TANK: variants seen among roughly 807,000 people sequenced by gnomAD.
The protein encoded by TANK is TRAF family member associated NFKB activator, also known as TRAF family member-associated NF-kappa-B activator.
Under a neutral mutation model 43.6 loss-of-function variants are expected in TANK, and 15 were observed. The observed-to-expected ratio is 0.34, with a 90% CI of 0.23 to 0.53. The LOEUF (loss-of-function observed/expected upper bound fraction) is 0.53, where lower values mean the gene tolerates loss of function less well. Ranked by LOEUF, TANK falls within the 20% of genes least tolerant of loss-of-function variation. The pLI is 0.94. For missense variants in TANK, 417 were observed against 498.6 expected, an observed-to-expected ratio of 0.84 and a Z score of 1.56; for synonymous variants, 162 against 178.2, an observed-to-expected ratio of 0.91 and a Z score of 0.73.
At chr2:161,223,855 A>T in intron 4 of TANK, 60 bp from the exon 5 acceptor site, 1 of 1,138,352 alleles carries the variant, frequency 8.8e-7, no homozygotes, top group Non-Finnish European at 1.3e-6. Flanking sequence ...TCTTTACTCG[A>T]CCTCATTTGA....
At chr2:161,190,601 C>T (rs1476975784) in intron 2 of TANK, among the ~76,000 whole-genome samples, 1 of 152,108 alleles carries the variant, frequency 6.6e-6, no homozygotes, top group African/African-American at 2.4e-5. Context: ...GGTATATACA[C>T]ACAACATAGT....
intron 1 of TANK, among the ~76,000 whole-genome samples, chr2:161,149,377 C>T (rs953621753): frequency 2.6e-5 from 4 of 152,104 alleles, no homozygotes; most frequent in Non-Finnish European, 5.9e-5. Context: ...GCTCTAGTAG[C>T]TTTCTTGTGA....
chr2:161,229,370 G>A (rs1687793923), intron 6 of TANK, among the ~76,000 whole-genome samples: 1 of 152,178 alleles, frequency 6.6e-6, no homozygotes, highest in Non-Finnish European at 1.5e-5. Context: ...GATTTTATTA[G>A]GAAGGTAACT....
At chr2:161,226,159 C>T (rs574658516) in intron 6 of TANK, among the ~76,000 whole-genome samples, 6 of 152,234 alleles carry the variant, frequency 3.9e-5, no homozygotes, top group African/African-American at 1.4e-4. Flanking sequence ...CTTTGTTACA[C>T]AGAAAACTTA....
intron 2 of TANK, chr2:161,197,297 T>A (rs1686198361): frequency 6.6e-6 from 1 of 152,246 alleles, no homozygotes; most frequent in African/African-American, 2.4e-5. Context: ...CTTCGAACAA[T>A]CAGGTGTTGG....
intron 4 of TANK, among the ~76,000 whole-genome samples, chr2:161,221,608 TA>T (rs1167379453): frequency 2.6e-5 from 4 of 152,022 alleles, no homozygotes; most frequent in African/African-American, 9.7e-5. Context: ...ATTAACATGT[TA>T]TGCCCCATTC....
chr2:161,138,005 A>G (rs759550044), intron 1 of TANK: 52 of 642,930 alleles, frequency 8.1e-5, no homozygotes, highest in Non-Finnish European at 9.8e-5. Context: ...CAAGTTTAGT[A>G]TTTTTCTCAT....
At chr2:161,142,740 T>G (rs1317936072) in intron 1 of TANK, among the ~76,000 whole-genome samples, 2 of 152,206 alleles carry the variant, frequency 1.3e-5, no homozygotes, top group Non-Finnish European at 2.9e-5. Context: ...TAGTATATTT[T>G]GAAGTCAGGT....
At chr2:161,199,073 G>A (rs1244581926) in intron 2 of TANK, among the ~76,000 whole-genome samples, 1 of 152,130 alleles carries the variant, frequency 6.6e-6, no homozygotes, top group Non-Finnish European at 1.5e-5. Flanking sequence ...TGTCTAATTA[G>A]TTTCTATCTA....
intron 2 of TANK, among the ~76,000 whole-genome samples, chr2:161,196,620 C>T (rs918852698): frequency 7.2e-5 from 11 of 152,180 alleles, no homozygotes; most frequent in South Asian, 2.1e-4. Flanking sequence ...TATGGCAGGC[C>T]GAGGCAGGCG....
intron 2 of TANK, among the ~76,000 whole-genome samples, chr2:161,196,145 A>G (rs1374536763): frequency 1.3e-5 from 2 of 152,198 alleles, no homozygotes; most frequent in Admixed American, 1.3e-4. Context: ...TGTACAACAA[A>G]TAGATGTCAA....
At chr2:161,174,579 T>C (rs1685096409) in intron 1 of TANK, among the ~76,000 whole-genome samples, 1 of 152,178 alleles carries the variant, frequency 6.6e-6, no homozygotes, top group South Asian at 2.1e-4. Flanking sequence ...AGCAAAAGTT[T>C]TTATGTTGTG....
At chr2:161,232,767 C>T in intron 7 of TANK, 1 of 1,550,412 alleles carries the variant, frequency 6.4e-7, no homozygotes, top group Non-Finnish European at 8.7e-7. Context: ...TGGCACCCTG[C>T]ATTGTACATT....
intron 1 of TANK, chr2:161,161,536 C>A: frequency 6.9e-7 from 1 of 1,451,986 alleles, no homozygotes; most frequent in Non-Finnish European, 9.1e-7. Flanking sequence ...AGTCCTCTCC[C>A]CAGTTGTAAT....
At position 161,179,636 on chromosome 2, in the gene TANK, T is replaced by C; in HGVS notation, c.-27T>C. The C allele has an allele frequency of 1.2e-6, 2 of 1,612,086 alleles. No individual in the cohort carries two copies. Among genetic ancestry groups the C allele is most frequent in the South Asian group, 1.1e-5 (1 of 90,848 alleles). ...CAGACCTGTCATTTACTCCATCCTT[T>C]ATAGTGATGCTACAGGACGAAGAGG... On this transcript the variant is annotated 5_prime_UTR_variant, in exon 2 of 8. Coordinates refer to ENST00000392749, the MANE Select transcript of TANK (RefSeq NM_001199135.3).
At chr2:161,155,990 G>A (rs1045553158), upstream of TANK, 1 of 930,904 alleles carries the variant, frequency 1.1e-6, no homozygotes, top group African/African-American at 1.8e-5. Context: ...ATTTAATATT[G>A]AAATTTTTAA....
At chr2:161,175,327 CTAGTTCA>C (rs1179316352) in intron 1 of TANK, among the ~76,000 whole-genome samples, 30 of 152,242 alleles carry the variant, frequency 2.0e-4, no homozygotes, top group African/African-American at 7.2e-4. Flanking sequence ...AAGATTTAAT[CTAGTTCA>C]TAACACAGCT....
rs779616040 is a variant in TANK, at chr2:161,171,765, G to A, written c.-49-7849G>A. On this transcript the variant is annotated intron_variant, in intron 1 of 7. Coordinates refer to ENST00000392749, the MANE Select transcript of TANK (RefSeq NM_001199135.3). ...TAAATGACTCAGGGATACTCGAGGG[G>A]CAGCCAACTCGTTAACTCATAAGAT... Among the ~76,000 whole-genome samples, 6 of 152,238 alleles carry A rather than the reference G, an allele frequency of 3.9e-5. No individual in the cohort carries two copies. The East Asian group carries it at 1.2e-3, about 29-fold the overall frequency.
At chr2:161,166,809 A>G (rs1002037020) in intron 1 of TANK, among the ~76,000 whole-genome samples, 3 of 151,872 alleles carry the variant, frequency 2.0e-5, no homozygotes, top group African/African-American at 7.3e-5. Context: ...AAAAAAACAA[A>G]AAACAAAACA....
Sources: allele counts gnomAD v4.1 joint callset (sites outside exome capture counted in the v4.1 genomes callset), GRCh38; gene constraint gnomAD v4.1.1; transcripts MANE v1.5; gene names NCBI Gene and HGNC (gene_info 2026-07-23, HGNC 2026-07-21).